The following CDS2 variants were observed in gnomAD, a reference collection of about 807,000 sequenced individuals.
The protein encoded by CDS2 is phosphatidate cytidylyltransferase 2.
A neutral mutation model predicts 59.0 loss-of-function variants in CDS2; 47 were observed. That is an observed-to-expected ratio of 0.80 (90% CI 0.63 to 1.02). CDS2 has a LOEUF of 1.02. Among genes scored for constraint, CDS2 ranks in the 50% least tolerant of loss-of-function variants. The pLI is 0.00. For synonymous variants in CDS2, 207 were observed against 206.4 expected (o/e 1.00, Z -0.02); for missense variants, 356 against 558.9 (o/e 0.64, Z 3.66).
At chr20:5,143,567 T>C (rs1351323901) in intron 1 of CDS2, among the ~76,000 whole-genome samples, 1 of 152,016 alleles carries the variant, frequency 6.6e-6, no homozygotes, top group Non-Finnish European at 1.5e-5. Flanking sequence ...GGAACATGAG[T>C]GTACAAATAT....
At chr20:5,129,740 CGT>C (rs2090588317) in intron 1 of CDS2, among the ~76,000 whole-genome samples, 1 of 148,220 alleles carries the variant, frequency 6.7e-6, no homozygotes, top group Non-Finnish European at 1.5e-5. Flanking sequence ...CTGTACCTGG[CGT>C]TTTTTTTTTT....
intron 1 of CDS2, among the ~76,000 whole-genome samples, chr20:5,156,070 T>A (rs1030139055): frequency 6.6e-6 from 1 of 152,058 alleles, no homozygotes; most frequent in Non-Finnish European, 1.5e-5. Flanking sequence ...TTTTTGAAGA[T>A]TAATATGGTA....
intron 2 of CDS2, among the ~76,000 whole-genome samples, chr20:5,174,397 T>G (rs1459947465): frequency 1.3e-5 from 2 of 152,172 alleles, no homozygotes; most frequent in Non-Finnish European, 1.5e-5. Flanking sequence ...AAAAGCGAAG[T>G]GTGTTGAGGA....
intron 1 of CDS2, among the ~76,000 whole-genome samples, chr20:5,146,408 C>G (rs1407841323): frequency 1.3e-5 from 2 of 152,042 alleles, no homozygotes; most frequent in Non-Finnish European, 2.9e-5. Flanking sequence ...CTACCAAAGC[C>G]TGAATGTTTT....
chr20:5,132,901 G>A (rs916983286), intron 1 of CDS2, among the ~76,000 whole-genome samples: 6 of 152,190 alleles, frequency 3.9e-5, no homozygotes, highest in Non-Finnish European at 2.9e-5. Context: ...GGCCGGGCGC[G>A]GTGGCTCACG....
At chr20:5,189,638 A>T in intron 11 of CDS2, 97 bp from the exon 12 acceptor site, 1 of 816,912 alleles carries the variant, frequency 1.2e-6, no homozygotes, top group Non-Finnish European at 2.1e-6. Flanking sequence ...GCCCTCAGCT[A>T]CTCAGCACAG....
chr20:5,140,065 G>C (rs1175579087), intron 1 of CDS2, among the ~76,000 whole-genome samples: 1 of 152,160 alleles, frequency 6.6e-6, no homozygotes, highest in Non-Finnish European at 1.5e-5. Flanking sequence ...GGTTCCCAAC[G>C]TGCTGGGATT....
intron 1 of CDS2, among the ~76,000 whole-genome samples, chr20:5,153,436 C>A (rs1009588150): frequency 2.6e-5 from 4 of 152,198 alleles, no homozygotes; most frequent in African/African-American, 9.7e-5. Flanking sequence ...GAGCCACTAG[C>A]CTGACTTCTG....
chr20:5,183,691 T>C (rs1416305790), intron 7 of CDS2, among the ~76,000 whole-genome samples: 1 of 152,266 alleles, frequency 6.6e-6, no homozygotes, highest in Non-Finnish European at 1.5e-5. Context: ...AACCCATTTC[T>C]GCTACGATTA....
intron 5 of CDS2, among the ~76,000 whole-genome samples, chr20:5,181,681 T>C (rs76342527): frequency 0.013 from 1,971 of 152,316 alleles, 51 homozygotes; most frequent in African/African-American, 0.043. Flanking sequence ...GTGCAAACAT[T>C]GTAGAGTGTA....
rs186952823 is a variant in CDS2, at chr20:5,134,186, C to A, written c.57+7037C>A. On this transcript the variant is annotated intron_variant, in intron 1 of 12. Coordinates refer to ENST00000460006, the MANE Select transcript of CDS2 (RefSeq NM_003818.4). ...CTTGAAAGGCACTCCCGGCGCAGTG[C>A]TTGAAGACCACAAGGCGCCTTACCC... 8.5e-3 allele frequency among the ~76,000 whole-genome samples: 1,295 copies of A among 152,290 alleles called. 7 individuals carry two copies. The highest frequency in any genetic ancestry group is 0.015 in the Non-Finnish European group (997 of 68,020).
At chr20:5,160,863 T>C (rs771224315) in intron 1 of CDS2, among the ~76,000 whole-genome samples, 1 of 152,250 alleles carries the variant, frequency 6.6e-6, no homozygotes, top group Non-Finnish European at 1.5e-5. Context: ...GGTTCATCCA[T>C]GTGGTAGCAT....
chr20:5,180,251 T>C lies in CDS2; in HGVS notation c.529+1295T>C, dbSNP rs543972811. On this transcript the variant is annotated intron_variant, in intron 5 of 12. Transcript: ENST00000460006. ...AAGGTGGTCTTGACCCTATACCATGTGGATCCCTCTTCTCCCAGCCCTATG... is the reference window on the plus strand; with the variant it reads ...AAGGTGGTCTTGACCCTATACCATGCGGATCCCTCTTCTCCCAGCCCTATG... 9.2e-5 allele frequency among the ~76,000 whole-genome samples: 14 copies of C among 151,844 alleles called. No individual in the cohort carries two copies. The South Asian group carries it at 2.9e-3, about 32-fold the overall frequency.
At chr20:5,147,604 A>G (rs146253160) in intron 1 of CDS2, among the ~76,000 whole-genome samples, 55 of 152,148 alleles carry the variant, frequency 3.6e-4, no homozygotes, top group African/African-American at 1.3e-3. Flanking sequence ...GGGGCTCCCT[A>G]TGTTGCCCAG....
chr20:5,162,411 A>C (rs1350148366), intron 1 of CDS2, among the ~76,000 whole-genome samples: 1 of 152,126 alleles, frequency 6.6e-6, no homozygotes, highest in Non-Finnish European at 1.5e-5. Context: ...TTCAATCGCT[A>C]CCTCTCAGGT....
At chr20:5,131,362 C>T (rs1297797427) in intron 1 of CDS2, among the ~76,000 whole-genome samples, 1 of 152,146 alleles carries the variant, frequency 6.6e-6, no homozygotes, top group Non-Finnish European at 1.5e-5. Context: ...AGTATAGTTG[C>T]CAAACTAAGA....
intron 1 of CDS2, among the ~76,000 whole-genome samples, chr20:5,136,259 G>A (rs762459611): frequency 1.3e-5 from 2 of 152,150 alleles, no homozygotes; most frequent in African/African-American, 4.8e-5. Flanking sequence ...TCTCAAATCT[G>A]AATTCTCTCA....
intron 1 of CDS2, among the ~76,000 whole-genome samples, chr20:5,171,379 C>A (rs979267778): frequency 6.6e-6 from 1 of 152,198 alleles, no homozygotes; most frequent in African/African-American, 2.4e-5. Flanking sequence ...TGCTCTGGAG[C>A]GCAGTCCCTG....
At chr20:5,153,618 C>T (rs747322367) in intron 1 of CDS2, among the ~76,000 whole-genome samples, 3 of 152,124 alleles carry the variant, frequency 2.0e-5, no homozygotes, top group Non-Finnish European at 4.4e-5. Context: ...CAGATTTCTC[C>T]CAAGATCGTA....
Sources: allele counts gnomAD v4.1 joint callset (sites outside exome capture counted in the v4.1 genomes callset), GRCh38; gene constraint gnomAD v4.1.1; transcripts MANE v1.5; gene names NCBI Gene and HGNC (gene_info 2026-07-23, HGNC 2026-07-21).